The following EFL1 variants were observed in gnomAD, a reference collection of about 807,000 sequenced individuals.
EFL1 encodes the protein elongation factor-like GTPase 1.
EFL1 carries 76 observed loss-of-function variants against 126.7 expected under a neutral mutation model. The observed-to-expected ratio is 0.60, with a 90% CI of 0.50 to 0.73. The LOEUF (loss-of-function observed/expected upper bound fraction) is 0.73, where lower values mean the gene tolerates loss of function less well. Among genes scored for constraint, EFL1 ranks in the 30% least tolerant of loss-of-function variants. The pLI, the probability that EFL1 is intolerant of heterozygous loss-of-function variation, is 0.00. For missense variants in EFL1, 1,128 were observed against 1,343.2 expected (o/e 0.84, Z 2.50); for synonymous variants, 410 against 448.4 (o/e 0.91, Z 1.08).
chr15:82,218,313 T>C (rs1312766167), intron 14 of EFL1, among the ~76,000 whole-genome samples: 1 of 152,210 alleles, frequency 6.6e-6, no homozygotes, highest in Non-Finnish European at 1.5e-5. Flanking sequence ...TTTCAGGTTT[T>C]TTTTTAAGCA....
At chr15:82,227,990 T>G (rs528541069) in intron 10 of EFL1, among the ~76,000 whole-genome samples, 1 of 152,346 alleles carries the variant, frequency 6.6e-6, no homozygotes, top group African/African-American at 2.4e-5. Flanking sequence ...AGTTCACTAT[T>G]AGTAATGTTA....
intron 15 of EFL1, among the ~76,000 whole-genome samples, chr15:82,172,448 C>G (rs919676708): frequency 6.6e-6 from 1 of 152,158 alleles, no homozygotes; most frequent in Non-Finnish European, 1.5e-5. Context: ...TTGGGGCCTA[C>G]TACTGGCAGT....
chr15:82,234,491 T>C (rs1342245523), intron 7 of EFL1, among the ~76,000 whole-genome samples: 1 of 152,186 alleles, frequency 6.6e-6, no homozygotes, highest in African/African-American at 2.4e-5. Flanking sequence ...AGCTCTAGTA[T>C]CATCTTTCGG....
chr15:82,212,198 T>C (rs1336820895), intron 15 of EFL1, among the ~76,000 whole-genome samples: 2 of 152,254 alleles, frequency 1.3e-5, no homozygotes, highest in Non-Finnish European at 2.9e-5. Flanking sequence ...AGCAATAAAA[T>C]GTACTCCATG....
chr15:82,194,129 T>TC (rs2074386163), intron 15 of EFL1, among the ~76,000 whole-genome samples: 1 of 152,180 alleles, frequency 6.6e-6, no homozygotes, highest in Non-Finnish European at 1.5e-5. Flanking sequence ...TGAAATCTTT[T>TC]CCACAGCTGG....
intron 15 of EFL1, among the ~76,000 whole-genome samples, chr15:82,201,470 G>A (rs1175410910): frequency 6.6e-6 from 1 of 152,070 alleles, no homozygotes; most frequent in Non-Finnish European, 1.5e-5. Flanking sequence ...TGTGTTCCAG[G>A]GAAGAATCTA....
chr15:82,148,117 C>T (rs760770391), intron 18 of EFL1, among the ~76,000 whole-genome samples: 13 of 152,148 alleles, frequency 8.5e-5, no homozygotes, highest in Non-Finnish European at 1.3e-4. Context: ...GGTGGGATTA[C>T]GCCTGTAATC....
intron 10 of EFL1, 56 bp downstream of exon 10, chr15:82,228,132 ATTG>A (rs2074783251): frequency 6.5e-7 from 1 of 1,541,720 alleles, no homozygotes; most frequent in African/African-American, 1.4e-5. Context: ...ACCATAACGC[ATTG>A]TTTTTTCTAG....
Position 82,138,643 on chromosome 15 carries a change from A to G in EFL1, c.3174+15T>C. ...AGATGAGAAGGAAGGAATGAATGGG[A>G]ACTTGGATTTTTACCTCCCAATGGC... On this transcript the variant is annotated intron_variant, in intron 19 of 19. Coordinates refer to ENST00000268206, the MANE Select transcript of EFL1 (RefSeq NM_024580.6). 2 of 1,611,708 alleles carry G rather than the reference A, an allele frequency of 1.2e-6. No homozygotes were observed. The highest frequency in any genetic ancestry group is 2.7e-5 in the African/African-American group (2 of 74,948).
intron 15 of EFL1, among the ~76,000 whole-genome samples, chr15:82,192,401 CAAAA>C (rs59214257): frequency 1.2e-5 from 1 of 86,194 alleles, no homozygotes; most frequent in Non-Finnish European, 2.8e-5. Flanking sequence ...AATTCCGTCT[CAAAA>C]AAAAAAAAAA....
chr15:82,249,610 C>G (rs550526332), intron 4 of EFL1, among the ~76,000 whole-genome samples: 1 of 152,032 alleles, frequency 6.6e-6, no homozygotes, highest in East Asian at 1.9e-4. Flanking sequence ...TTTTACAGAA[C>G]GTATATTGTT....
intron 15 of EFL1, among the ~76,000 whole-genome samples, chr15:82,188,475 T>G (rs1038824744): frequency 2.0e-5 from 3 of 152,126 alleles, no homozygotes; most frequent in African/African-American, 7.2e-5. Flanking sequence ...GACTAGTGAG[T>G]GCCTTAAAGA....
At chr15:82,227,011 G>C (rs1306003447) in intron 11 of EFL1, among the ~76,000 whole-genome samples, 2 of 152,210 alleles carry the variant, frequency 1.3e-5, no homozygotes, top group Admixed American at 6.5e-5. Flanking sequence ...GTCCTGTGAA[G>C]ACTGAAAACT....
chr15:82,240,611 A>G, intron 5 of EFL1, 56 bp from the exon 6 acceptor site: 2 of 1,595,288 alleles, frequency 1.3e-6, no homozygotes, highest in East Asian at 2.2e-5. Flanking sequence ...ATTAGAGCAC[A>G]TTAGAAAATC....
intron 18 of EFL1, among the ~76,000 whole-genome samples, chr15:82,140,222 C>G (rs2073770739): frequency 6.6e-6 from 1 of 152,178 alleles, no homozygotes; most frequent in Non-Finnish European, 1.5e-5. Context: ...CAGGTAGCTT[C>G]TCATTTCTTC....
At chr15:82,166,249 A>G (rs1015059903) in intron 15 of EFL1, among the ~76,000 whole-genome samples, 3 of 152,242 alleles carry the variant, frequency 2.0e-5, no homozygotes, top group Non-Finnish European at 2.9e-5. Flanking sequence ...GCAGATGGTC[A>G]GTATATTTTA....
At chr15:82,209,961 T>TA (rs1199875821) in intron 15 of EFL1, among the ~76,000 whole-genome samples, 1 of 152,246 alleles carries the variant, frequency 6.6e-6, no homozygotes, top group Non-Finnish European at 1.5e-5. Context: ...CTGCACTTGA[T>TA]AAATTTACTG....
At chr15:82,170,704 C>T (rs2074126736) in intron 15 of EFL1, among the ~76,000 whole-genome samples, 1 of 152,076 alleles carries the variant, frequency 6.6e-6, no homozygotes, top group African/African-American at 2.4e-5. Flanking sequence ...ACATAAATTG[C>T]ATATTTAATT....
chr15:82,164,400 ATTT>A (rs1946134556), intron 15 of EFL1, among the ~76,000 whole-genome samples: 1 of 152,202 alleles, frequency 6.6e-6, no homozygotes, highest in Non-Finnish European at 1.5e-5. Context: ...AGTAAAGGGA[ATTT>A]AGAAACTTAA....
Sources: gnomAD v4.1 joint callset for allele counts (sites outside exome capture counted in the v4.1 genomes callset) on GRCh38, gnomAD v4.1.1 for gene constraint, MANE v1.5 for transcripts, NCBI Gene and HGNC (gene_info 2026-07-23, HGNC 2026-07-21) for gene names.